Variants in HDHD5 observed in about 807,000 individuals in gnomAD.
HDHD5 encodes the protein haloacid dehalogenase-like hydrolase domain-containing 5.
A neutral mutation model predicts 35.5 loss-of-function variants in HDHD5; 34 were observed. The ratio of observed to expected loss-of-function variants is 0.96; its 90% CI spans 0.73 to 1.28. The LOEUF is 1.28. Among genes scored for constraint, HDHD5 ranks in the 50% most tolerant of loss-of-function variants. The pLI, the probability that HDHD5 is intolerant of heterozygous loss-of-function variation, is 0.00. For missense variants in HDHD5, 589 were observed against 560.2 expected, an observed-to-expected ratio of 1.05 and a Z score of -0.52; for synonymous variants, 248 against 240.6, an observed-to-expected ratio of 1.03 and a Z score of -0.29.
At chr22:17,148,771 C>T (rs981455863) in intron 2 of HDHD5, among the ~76,000 whole-genome samples, 3 of 152,192 alleles carry the variant, frequency 2.0e-5, no homozygotes, top group African/African-American at 7.2e-5. Flanking sequence ...TCTTGCCACA[C>T]AAGAGACCAG....
intron 1 of HDHD5, among the ~76,000 whole-genome samples, chr22:17,155,994 A>G (rs1416786985): frequency 6.6e-6 from 1 of 152,208 alleles, no homozygotes; most frequent in Non-Finnish European, 1.5e-5. Context: ...AAAGGTTTTC[A>G]TTACTAGAGA....
chr22:17,147,383 G>A (rs5748908), intron 3 of HDHD5, among the ~76,000 whole-genome samples: 43,630 of 56,976 alleles, frequency 0.77, 16,325 homozygotes, highest in African/African-American at 0.81. Context: ...ACCGGCCTTC[G>A]ATCACATGCC....
At chr22:17,141,607 AG>A in intron 5 of HDHD5, 3 of 1,060,526 alleles carry the variant, frequency 2.8e-6, no homozygotes, top group Non-Finnish European at 3.4e-6. Context: ...CTTCTCTCTG[AG>A]CCCCAGGGAC....
At chr22:17,163,992 G>A (rs911629921), upstream of HDHD5, among the ~76,000 whole-genome samples, 11 of 152,114 alleles carry the variant, frequency 7.2e-5, no homozygotes, top group Non-Finnish European at 1.3e-4. Context: ...AGGTGGAGGC[G>A]GGCAGATCAC....
At chr22:17,158,436 A>C (rs1362969290) in intron 1 of HDHD5, 1 of 152,272 alleles carries the variant, frequency 6.6e-6, no homozygotes, top group Non-Finnish European at 1.5e-5. Context: ...AGGGAGCGTG[A>C]GAGCCGTGGA....
At chr22:17,158,113 A>G (rs963592166) in intron 1 of HDHD5, among the ~76,000 whole-genome samples, 5 of 152,152 alleles carry the variant, frequency 3.3e-5, no homozygotes, top group Admixed American at 2.0e-4. Flanking sequence ...CTGAGGTCAA[A>G]AGTTCGAGAC....
upstream of HDHD5, chr22:17,159,298 C>CCT: frequency 8.2e-7 from 1 of 1,224,434 alleles, no homozygotes; most frequent in Non-Finnish European, 1.0e-6. Context: ...CCCCCCCCCC[C>CCT]GCGAGTCCGT....
chr22:17,144,269 T>G (rs1351815589), intron 4 of HDHD5, among the ~76,000 whole-genome samples: 2 of 151,994 alleles, frequency 1.3e-5, no homozygotes, highest in African/African-American at 2.4e-5. Flanking sequence ...CCTTTTTTTT[T>G]TTTGAGACAG....
At position 17,157,085 on chromosome 22, in the gene HDHD5, T is replaced by TACACACACACACACACACACAC. The variant is rs58807817; in HGVS notation, c.126+2019_126+2040dup. 6.7e-3 allele frequency among the ~76,000 whole-genome samples: 968 copies of TACACACACACACACACACACAC among 143,760 alleles called. 8 individuals are homozygous for TACACACACACACACACACACAC. Among genetic ancestry groups the TACACACACACACACACACACAC allele is most frequent in the African/African-American group, 8.8e-3 (337 of 38,324 alleles). The allele number at this position is 143,760 out of a possible 152,430, so 94.3% of individuals were successfully genotyped here. The stretch of plus-strand genomic sequence containing the variant: ...AGAGCTAGACACCGTCTCACACACA[T>TACACACACACACACACACACAC]ACACACACACACACACACACACACA... On this transcript the variant is annotated intron_variant, in intron 1 of 7. Coordinates refer to ENST00000336737, the MANE Select transcript of HDHD5 (RefSeq NM_033070.3).
intron 3 of HDHD5, among the ~76,000 whole-genome samples, chr22:17,147,303 G>A (rs1257303536): frequency 1.1e-5 from 1 of 92,514 alleles, no homozygotes; most frequent in African/African-American, 5.3e-5. Context: ...ACGCACTCCT[G>A]TGAGCTTACA....
chr22:17,159,287 C>G (rs1324497217), upstream of HDHD5: 10 of 192,544 alleles, frequency 5.2e-5, no homozygotes, highest in Admixed American at 2.1e-4. Flanking sequence ...CGGCGTGCGG[C>G]CCCCCCCCCC....
At chr22:17,143,165 A>AG (rs2061618560) in intron 4 of HDHD5, 34 bp from the exon 5 acceptor site, 1 of 1,600,018 alleles carries the variant, frequency 6.2e-7, no homozygotes. Flanking sequence ...TATCAACACA[A>AG]GTCGCCTTCC....
At chr22:17,145,280 G>A in intron 3 of HDHD5, 163 bp from the exon 4 acceptor site, 1 of 778,386 alleles carries the variant, frequency 1.3e-6, no homozygotes, top group Non-Finnish European at 1.6e-6. Flanking sequence ...GCAGGTGCTG[G>A]CAGGCAGGCT....
In HDHD5 at chr22:17,141,493, A is replaced by C. The variant is rs191456818; in HGVS notation, c.572-260T>G. 30 of 1,306,118 alleles carry C rather than the reference A, an allele frequency of 2.3e-5. No individual in the cohort carries two copies. The Admixed American group carries it at 3.9e-4, about 17-fold the overall frequency. The allele number at this position is 1,306,118 out of a possible 1,614,324, so 80.9% of individuals were successfully genotyped here. On this transcript the variant is annotated intron_variant, in intron 5 of 7. Coordinates refer to ENST00000336737, the MANE Select transcript of HDHD5 (RefSeq NM_033070.3). ...CCAGTGCTTCACAGAAGAGGTTACA[A>C]AACAAAAGCAGCATGTCTCAGGGCT...
In HDHD5 at chr22:17,137,874, GTGACCAGTAA is replaced by G. The variant is rs2061551113; in HGVS notation, c.*137_*146del. 3.2e-6 allele frequency: 2 copies of G among 631,640 alleles called. No individual in the cohort carries two copies. Among genetic ancestry groups the G allele is most frequent in the African/African-American group, 3.7e-5 (2 of 54,360 alleles). The allele number at this position is 631,640 out of a possible 1,614,324, so 39.1% of individuals were successfully genotyped here. On this transcript the variant is annotated 3_prime_UTR_variant, in exon 8 of 8. Coordinates refer to ENST00000336737, the MANE Select transcript of HDHD5 (RefSeq NM_033070.3). ...AAAAAGAGTCACTGTCTTCTTCCAA[GTGACCAGTAA>G]TGCCACACTCATGGGGCAGCAAGAA...
At chr22:17,141,336 G>T in intron 5 of HDHD5, 103 bp from the exon 6 acceptor site, 1 of 1,461,036 alleles carries the variant, frequency 6.8e-7, no homozygotes, top group Middle Eastern at 1.8e-4. Flanking sequence ...CTCCACCCAT[G>T]GTGCACCCAG....
At chr22:17,147,401 A>G (rs2061674706) in intron 3 of HDHD5, among the ~76,000 whole-genome samples, 1 of 116,434 alleles carries the variant, frequency 8.6e-6, no homozygotes. Flanking sequence ...GCCATCGCAC[A>G]CGCCCCACAC....
intron 1 of HDHD5, among the ~76,000 whole-genome samples, chr22:17,156,077 T>C (rs1432910329): frequency 6.6e-6 from 1 of 152,090 alleles, no homozygotes; most frequent in Non-Finnish European, 1.5e-5. Context: ...CAAACCACAA[T>C]GGACATATTT....
intron 3 of HDHD5, among the ~76,000 whole-genome samples, chr22:17,147,806 G>A (rs559416376): frequency 5.3e-5 from 8 of 151,674 alleles, no homozygotes; most frequent in East Asian, 1.9e-4. Flanking sequence ...TGAGCTTACC[G>A]GCCTTCGATC....
Sources: allele counts gnomAD v4.1 joint callset (sites outside exome capture counted in the v4.1 genomes callset), GRCh38; gene constraint gnomAD v4.1.1; transcripts MANE v1.5; gene names NCBI Gene and HGNC (gene_info 2026-07-23, HGNC 2026-07-21).